FLOT2: variants seen among roughly 807,000 people sequenced by gnomAD.
FLOT2 encodes flotillin 2.
FLOT2 carries 35 observed loss-of-function variants against 54.9 expected under a neutral mutation model. That is an observed-to-expected ratio of 0.64 (90% CI 0.49 to 0.84). FLOT2 has a LOEUF of 0.84. FLOT2 is among the 40% of genes least tolerant of loss of function. FLOT2 has a pLI of 0.00. For synonymous variants in FLOT2, 207 were observed against 228.9 expected (o/e 0.90, Z 0.86); for missense variants, 464 against 572.1 (o/e 0.81, Z 1.93).
intron 1 of FLOT2, among the ~76,000 whole-genome samples, chr17:28,895,036 G>A (rs1006354252): frequency 4.6e-5 from 7 of 151,416 alleles, no homozygotes; most frequent in Non-Finnish European, 1.0e-4. Context: ...CTCAGCCTCC[G>A]GAGTAGCTGG....
chr17:28,885,715 C>T, intron 2 of FLOT2: 1 of 722,908 alleles, frequency 1.4e-6, no homozygotes, highest in Non-Finnish European at 2.6e-6. Context: ...CATCCTGGCA[C>T]CCAGAGCAGT....
At chr17:28,890,553 A>AT (rs941525439) in intron 1 of FLOT2, among the ~76,000 whole-genome samples, 13 of 151,952 alleles carry the variant, frequency 8.6e-5, no homozygotes, top group African/African-American at 3.1e-4. Context: ...CGCCCAGCTA[A>AT]TTTTTTGTAT....
In FLOT2 at chr17:28,882,799, G is replaced by A; in HGVS notation, c.347-108C>T. 1.3e-6 allele frequency: 1 copy of A among 761,084 alleles called. No homozygotes were observed. Among genetic ancestry groups the A allele is most frequent in the East Asian group, 2.4e-5 (1 of 40,932 alleles). 47.1% of individuals were successfully genotyped at this position (761,084 alleles called of 1,614,324 possible). A position where few individuals can be genotyped will look rare whatever the true frequency, so the allele number is the denominator to read the frequency against. ...GTGCATGCGGGGTGCTGCACTCTGAGCTGGGTCTTCCTGGGGTATCTTCTC... is the reference window on the plus strand; with the variant it reads ...GTGCATGCGGGGTGCTGCACTCTGAACTGGGTCTTCCTGGGGTATCTTCTC... On this transcript the variant is annotated intron_variant, in intron 4 of 10. Coordinates refer to ENST00000394908, the MANE Select transcript of FLOT2 (RefSeq NM_004475.3). This position sits in a 1 kb window ranked among gnomAD's most constrained non-coding sequence, Gnocchi z 5.6.
Position 28,884,080 on chromosome 17 carries a change from G to C in FLOT2, c.222+145C>G. On this transcript the variant is annotated intron_variant, in intron 3 of 10. Coordinates refer to ENST00000394908, the MANE Select transcript of FLOT2 (RefSeq NM_004475.3). This position sits in a 1 kb window ranked among gnomAD's most constrained non-coding sequence, Gnocchi z 5.1. The stretch of plus-strand genomic sequence containing the variant: ...GAGCATGTTCCAGTGGCGACGACCT[G>C]ACTAGCCCTCTCTTGTGGGACTTGC... 1 of 696,004 alleles carries C rather than the reference G, an allele frequency of 1.4e-6. No homozygotes were observed. The highest frequency in any genetic ancestry group is 2.6e-6 in the Non-Finnish European group (1 of 389,994). The allele number at this position is 696,004 out of a possible 1,614,324, so 43.1% of individuals were successfully genotyped here.
chr17:28,886,020 T>G, intron 2 of FLOT2: 1 of 737,866 alleles, frequency 1.4e-6, no homozygotes, highest in Non-Finnish European at 2.2e-6. Context: ...ACACACACAG[T>G]AGTTACCAGA....
Position 28,883,161 on chromosome 17 carries a change from T to C in FLOT2, c.293A>G (p.Asp98Gly). 2 of 1,614,032 alleles carry C rather than the reference T, an allele frequency of 1.2e-6. No homozygotes were observed. Among genetic ancestry groups the C allele is most frequent in the Non-Finnish European group, 1.7e-6 (2 of 1,179,968 alleles). The change falls in exon 4 of 11, where the codon GAC becomes GGC. Residue 98 changes from aspartate to glycine, a missense_variant. By Grantham distance (94) the Asp-to-Gly change is moderately conservative (BLOSUM62 -1). Coordinates refer to ENST00000394908, the MANE Select transcript of FLOT2 (RefSeq NM_004475.3). This position sits in a 1 kb window ranked among gnomAD's most constrained non-coding sequence, Gnocchi z 5.0. ...GGTCTGCAGGACGACGTTTTTGATG[T>C]CCTGCACATTCTTACCCAGAAACTG... ...CEQFLGKNVQ[D>G]IKNVVLQTLE...
intron 1 of FLOT2, among the ~76,000 whole-genome samples, chr17:28,895,966 T>C (rs1225164432): frequency 6.6e-6 from 1 of 152,082 alleles, no homozygotes; most frequent in African/African-American, 2.4e-5. Flanking sequence ...GTTGCTCTGC[T>C]CTCGCAGGAG....
In FLOT2 at chr17:28,897,382, TGGAA is replaced by T; in HGVS notation, c.49+140_49+143del. 1 of 711,306 alleles carries T rather than the reference TGGAA, an allele frequency of 1.4e-6. No homozygotes were observed. The highest frequency in any genetic ancestry group is 2.2e-6 in the Non-Finnish European group (1 of 446,772). 44.1% of individuals were successfully genotyped at this position (711,306 alleles called of 1,614,324 possible). The stretch of plus-strand genomic sequence containing the variant: ...GAAAGCGTGAGCACGAGATCTCTCT[TGGAA>T]GGGGCCTCAGGTGCGGCCCGGGGGC... On this transcript the variant is annotated intron_variant, in intron 1 of 10. Transcript: ENST00000394908. The surrounding 1 kb of genome is among the most constrained non-coding windows in gnomAD (Gnocchi z 4.4).
intron 1 of FLOT2, among the ~76,000 whole-genome samples, chr17:28,893,993 C>T (rs2039696272): frequency 6.6e-6 from 1 of 152,218 alleles, no homozygotes; most frequent in Non-Finnish European, 1.5e-5. Context: ...TGCCGATGCT[C>T]CCAGCTGAAT....
At position 28,881,352 on chromosome 17, in the gene FLOT2, T is replaced by A; in HGVS notation, c.938A>T (p.Gln313Leu). The A allele has an allele frequency of 6.2e-7, 1 of 1,612,814 alleles. No homozygotes were observed. Among genetic ancestry groups the A allele is most frequent in the Non-Finnish European group, 8.5e-7 (1 of 1,180,022 alleles). The change falls in exon 9 of 11, where the codon CAG becomes CTG. Residue 313 changes from glutamine to leucine, a missense_variant. By Grantham distance (113) the Gln-to-Leu change is moderately radical. Transcript: ENST00000394908. Reference sequence around the variant, plus strand: ...TTTGCGGATCTTCTCAGCCTCTGCCTGTGCCAAGAGGACCTGCTTCACCCT... The same window carrying A: ...TTTGCGGATCTTCTCAGCCTCTGCCAGTGCCAAGAGGACCTGCTTCACCCT... ...GEKVKQVLLA[Q>L]AEAEKIRKIG...
intron 2 of FLOT2, among the ~76,000 whole-genome samples, chr17:28,886,425 C>T (rs577128286): frequency 1.5e-4 from 23 of 152,188 alleles, no homozygotes; most frequent in Admixed American, 2.0e-4. Flanking sequence ...ATGCCGAATC[C>T]GCCAGGTCTG....
At chr17:28,890,787 C>CA (rs916344028) in intron 1 of FLOT2, among the ~76,000 whole-genome samples, 14 of 149,198 alleles carry the variant, frequency 9.4e-5, no homozygotes, top group Admixed American at 2.0e-4. Context: ...ACTTGCAGTG[C>CA]AAAAAAATGT....
At chr17:28,880,911 T>G in intron 9 of FLOT2, 49 bp from the exon 10 acceptor site, 5 of 1,605,958 alleles carry the variant, frequency 3.1e-6, no homozygotes, top group South Asian at 1.1e-5. Flanking sequence ...GACTCTGTTC[T>G]CAGCCCGGTC....
intron 1 of FLOT2, among the ~76,000 whole-genome samples, chr17:28,894,198 A>G (rs1189649334): frequency 6.6e-6 from 1 of 152,224 alleles, no homozygotes; most frequent in Non-Finnish European, 1.5e-5. Flanking sequence ...CAAGAAGTCC[A>G]TATCCTGGCT....
intron 8 of FLOT2, 76 bp downstream of exon 8, chr17:28,881,738 C>A: frequency 7.5e-7 from 1 of 1,340,460 alleles, no homozygotes; most frequent in Non-Finnish European, 1.1e-6. Context: ...AAGCTGTGGT[C>A]AGGAGAGTAG....
At position 28,897,661 on chromosome 17, in the gene FLOT2, C is replaced by T; in HGVS notation, c.-87G>A. 1 of 1,184,814 alleles carries T rather than the reference C, an allele frequency of 8.4e-7. No homozygotes were observed. 73.4% of individuals were successfully genotyped at this position (1,184,814 alleles called of 1,614,324 possible). A position where few individuals can be genotyped will look rare whatever the true frequency, so the allele number is the denominator to read the frequency against. On this transcript the variant is annotated 5_prime_UTR_variant, in exon 1 of 11. Transcript: ENST00000394908. The surrounding 1 kb of genome is among the most constrained non-coding windows in gnomAD (Gnocchi z 4.4). ...CAGCGCCGGCCGCGCCCAGCCTATCCCGCCACCCCCAGCGGCCGGCCGCCC... is the reference window on the plus strand; with the variant it reads ...CAGCGCCGGCCGCGCCCAGCCTATCTCGCCACCCCCAGCGGCCGGCCGCCC...
Position 28,883,032 on chromosome 17 carries a change from C to G in FLOT2, c.346+76G>C. 4 of 1,488,018 alleles carry G rather than the reference C, an allele frequency of 2.7e-6. No homozygotes were observed. Among genetic ancestry groups the G allele is most frequent in the Non-Finnish European group, 3.7e-6 (4 of 1,088,808 alleles). 92.2% of individuals were successfully genotyped at this position (1,488,018 alleles called of 1,614,324 possible). A position where few individuals can be genotyped will look rare whatever the true frequency, so the allele number is the denominator to read the frequency against. Reference sequence around the variant, plus strand: ...TTGAAACTCCTGTGAAACAGGCCCCCTGCCCAGCCCTGCACACCTCCCTGC... The same window carrying G: ...TTGAAACTCCTGTGAAACAGGCCCCGTGCCCAGCCCTGCACACCTCCCTGC... On this transcript the variant is annotated intron_variant, in intron 4 of 10. Transcript: ENST00000394908. This position sits in a 1 kb window ranked among gnomAD's most constrained non-coding sequence, Gnocchi z 5.0.
At chr17:28,896,626 A>T (rs1316697219) in intron 1 of FLOT2, among the ~76,000 whole-genome samples, 1 of 152,206 alleles carries the variant, frequency 6.6e-6, no homozygotes, top group African/African-American at 2.4e-5. Flanking sequence ...GGCCTGGCTC[A>T]GGGCTTCTAT....
chr17:28,896,744 C>T (rs1246416125), intron 1 of FLOT2, among the ~76,000 whole-genome samples: 5 of 152,154 alleles, frequency 3.3e-5, no homozygotes, highest in African/African-American at 9.7e-5. Flanking sequence ...AGCTCCAGGC[C>T]TCCAAGCTGT....
Sources: allele counts gnomAD v4.1 joint callset (sites outside exome capture counted in the v4.1 genomes callset), GRCh38; gene constraint gnomAD v4.1.1; non-coding constraint Gnocchi (gnomAD v3.1); transcripts MANE v1.5; gene names NCBI Gene and HGNC (gene_info 2026-07-23, HGNC 2026-07-21).